The following DSTN variants were observed in gnomAD, a reference collection of about 807,000 sequenced individuals.
DSTN encodes destrin, actin depolymerizing factor.
In DSTN, 10 loss-of-function variants were observed where a neutral mutation model predicts 16.8. The ratio of observed to expected loss-of-function variants is 0.60; its 90% confidence interval spans 0.37 to 1.01. The LOEUF (loss-of-function observed/expected upper bound fraction) is 1.01, where lower values mean the gene tolerates loss of function less well. DSTN is among the 50% of genes least tolerant of loss of function. The pLI is 0.01. For synonymous variants in DSTN, 57 were observed against 58.9 expected, an observed-to-expected ratio of 0.97 and a Z score of 0.14; for missense variants, 141 against 196.7, an observed-to-expected ratio of 0.72 and a Z score of 1.69.
At chr20:17,583,924 A>G (rs560226246) in intron 1 of DSTN, among the ~76,000 whole-genome samples, 27 of 151,922 alleles carry the variant, frequency 1.8e-4, no homozygotes, top group African/African-American at 6.5e-4. Flanking sequence ...TTTTTTGTCA[A>G]GATGAGGTCT....
chr20:17,606,946 T>G, intron 3 of DSTN, 91 bp from the exon 4 acceptor site: 1 of 1,239,646 alleles, frequency 8.1e-7, no homozygotes, highest in South Asian at 1.3e-5. Context: ...TTATCCAGAT[T>G]AGAACTGGTC....
intron 1 of DSTN, chr20:17,599,937 G>T (rs2035568710): frequency 6.6e-6 from 1 of 152,130 alleles, no homozygotes; most frequent in Admixed American, 6.5e-5. Flanking sequence ...AGTTAATGAG[G>T]CATTAACAAT....
chr20:17,583,735 C>CTTTTGTTTTTTTTTTTTTT (rs1555808636), intron 1 of DSTN, among the ~76,000 whole-genome samples: 1 of 72,484 alleles, frequency 1.4e-5, no homozygotes, highest in African/African-American at 5.4e-5. Context: ...TTTGGAGTTT[C>CTTTTGTTTTTTTTTTTTTT]TTTTTTTTTT....
rs2035654986 is a variant in DSTN, at chr20:17,607,537, A to G, written c.*391A>G. The G allele has an allele frequency of 6.1e-6, 1 of 164,602 alleles. No individual in the cohort carries two copies. Among genetic ancestry groups the G allele is most frequent in the South Asian group, 1.8e-4 (1 of 5,448 alleles). 10.2% of individuals were successfully genotyped at this position (164,602 alleles called of 1,614,324 possible). A position where few individuals can be genotyped will look rare whatever the true frequency, so the allele number is the denominator to read the frequency against. On this transcript the variant is annotated 3_prime_UTR_variant, in exon 4 of 4. Coordinates refer to ENST00000246069, the MANE Select transcript of DSTN (RefSeq NM_006870.4). ...ATAATCTGGTTATAATTTTGGTCCAAATTCTTTATTCTTCCTTGAGCTAAG... is the reference window on the plus strand; with the variant it reads ...ATAATCTGGTTATAATTTTGGTCCAGATTCTTTATTCTTCCTTGAGCTAAG...
Position 17,607,426 on chromosome 20 carries a change from CA to C in DSTN, c.*283del. ...TCAGGATTTTAAATTACACAGTTCA[CA>C]AACAGTAAAGGCCATGTGAAGAGAA... is the stretch of plus-strand genomic sequence containing the variant. On this transcript the variant is annotated 3_prime_UTR_variant, in exon 4 of 4. Coordinates refer to ENST00000246069, the MANE Select transcript of DSTN (RefSeq NM_006870.4). 1 of 322,022 alleles carries C rather than the reference CA, an allele frequency of 3.1e-6. No homozygotes were observed. The highest frequency in any genetic ancestry group is 5.6e-6 in the Non-Finnish European group (1 of 177,520). 19.9% of individuals were successfully genotyped at this position (322,022 alleles called of 1,614,324 possible). A position where few individuals can be genotyped will look rare whatever the true frequency, so the allele number is the denominator to read the frequency against.
At chr20:17,589,047 C>G (rs1444809902) in intron 1 of DSTN, among the ~76,000 whole-genome samples, 3 of 152,104 alleles carry the variant, frequency 2.0e-5, no homozygotes, top group Non-Finnish European at 4.4e-5. Context: ...GTCTAGGGAT[C>G]TTTGCTTCTC....
chr20:17,609,011 T>C lies in DSTN; in HGVS notation c.*1865T>C, dbSNP rs2035671586. On this transcript the variant is annotated 3_prime_UTR_variant, in exon 4 of 4. Transcript: ENST00000246069. The stretch of plus-strand genomic sequence containing the variant: ...TAGGCTCTACCATACAGCCTAGGTG[T>C]GTAGTAGGCTATGCCACTAGGTTTA... 1 of 152,238 alleles carries C rather than the reference T, an allele frequency of 6.6e-6. No homozygotes were observed. 9.4% of individuals were successfully genotyped at this position (152,238 alleles called of 1,614,324 possible).
At chr20:17,583,939 A>G (rs563419261) in intron 1 of DSTN, among the ~76,000 whole-genome samples, 2 of 151,556 alleles carry the variant, frequency 1.3e-5, no homozygotes, top group East Asian at 1.9e-4. Flanking sequence ...AGGTCTCACT[A>G]TTTTGCCGAG....
chr20:17,591,633 A>G (rs998335382), intron 1 of DSTN, among the ~76,000 whole-genome samples: 2 of 152,236 alleles, frequency 1.3e-5, no homozygotes, highest in Admixed American at 1.3e-4. Flanking sequence ...ACAAACTCTC[A>G]GACTCTACCC....
intron 1 of DSTN, among the ~76,000 whole-genome samples, chr20:17,592,223 C>T (rs886398689): frequency 6.6e-6 from 1 of 152,016 alleles, no homozygotes; most frequent in African/African-American, 2.4e-5. Flanking sequence ...CCCAGGAGTT[C>T]GAGACCAGTC....
At chr20:17,583,179 A>C (rs962155239) in intron 1 of DSTN, among the ~76,000 whole-genome samples, 2 of 152,218 alleles carry the variant, frequency 1.3e-5, no homozygotes, top group Non-Finnish European at 2.9e-5. Context: ...GCTATAATGA[A>C]AAGATTATTG....
chr20:17,600,746 A>G lies in DSTN; in HGVS notation c.12A>G (p.Gly4=). 6.2e-7 allele frequency: 1 copy of G among 1,608,038 alleles called. No homozygotes were observed. The highest frequency in any genetic ancestry group is 1.1e-5 in the South Asian group (1 of 90,386). ...GTATTTTCTCATCATAGGCCTCAGG[A>G]GTGCAAGTAGCTGATGAAGTATGTC... MAS[G]VQVADEVCRI... Residue 4 remains glycine, a synonymous_variant, in exon 2 of 4, where the codon GGA becomes GGG. Transcript: ENST00000246069.
chr20:17,574,745 A>T (rs1183643946), intron 1 of DSTN, among the ~76,000 whole-genome samples: 3 of 149,502 alleles, frequency 2.0e-5, no homozygotes, highest in Non-Finnish European at 4.5e-5. Flanking sequence ...AAAAAAAAAA[A>T]AATTAAAAGT....
intron 1 of DSTN, among the ~76,000 whole-genome samples, chr20:17,591,428 G>A (rs943586272): frequency 1.3e-5 from 2 of 151,554 alleles, no homozygotes; most frequent in South Asian, 2.1e-4. Context: ...CCAGGAGTCC[G>A]TGGCACACAC....
intron 1 of DSTN, among the ~76,000 whole-genome samples, chr20:17,577,209 TTGG>T (rs1453818282): frequency 1.3e-5 from 2 of 152,238 alleles, no homozygotes; most frequent in South Asian, 4.1e-4. Context: ...AATCAAATGC[TTGG>T]TACCGGAAGG....
chr20:17,597,570 A>G (rs773255316), intron 1 of DSTN, among the ~76,000 whole-genome samples: 2 of 152,224 alleles, frequency 1.3e-5, no homozygotes, highest in Non-Finnish European at 2.9e-5. Flanking sequence ...CCCGAATAAC[A>G]TACATTCTAC....
intron 1 of DSTN, among the ~76,000 whole-genome samples, chr20:17,594,518 A>G (rs939278343): frequency 9.9e-5 from 15 of 152,216 alleles, no homozygotes; most frequent in Admixed American, 2.6e-4. Context: ...TCACTTTTAA[A>G]GGGCCAGGAC....
At chr20:17,579,125 G>GT (rs752909825) in intron 1 of DSTN, among the ~76,000 whole-genome samples, 4 of 152,070 alleles carry the variant, frequency 2.6e-5, no homozygotes, top group Non-Finnish European at 5.9e-5. Flanking sequence ...TGGCTGCTGG[G>GT]TTTTTTTAAA....
At chr20:17,570,267 T>C (rs560651394) in intron 1 of DSTN, 56 bp downstream of exon 1, 3 of 1,446,592 alleles carry the variant, frequency 2.1e-6, no homozygotes, top group African/African-American at 3.0e-5. Flanking sequence ...AGTGTGTCTC[T>C]GGGGCGCCGC....
Sources: allele counts gnomAD v4.1 joint callset (sites outside exome capture counted in the v4.1 genomes callset), GRCh38; gene constraint gnomAD v4.1.1; transcripts MANE v1.5; gene names NCBI Gene and HGNC (gene_info 2026-07-23, HGNC 2026-07-21).